PTPRE: variants seen among roughly 807,000 people sequenced by gnomAD.
PTPRE encodes protein tyrosine phosphatase receptor type E.
PTPRE carries 51 observed loss-of-function variants against 102.0 expected under a neutral mutation model. That is an observed-to-expected ratio of 0.50 (90% confidence interval 0.40 to 0.63). PTPRE has a LOEUF of 0.63. Among genes scored for constraint, PTPRE ranks in the 30% least tolerant of loss-of-function variants. The pLI is 0.00. For synonymous variants in PTPRE, 345 were observed against 348.2 expected, an observed-to-expected ratio of 0.99 and a Z score of 0.10; for missense variants, 752 against 915.1, an observed-to-expected ratio of 0.82 and a Z score of 2.30.
intron 19 of PTPRE, among the ~76,000 whole-genome samples, chr10:128,079,322 C>T (rs1280769325): frequency 2.0e-5 from 3 of 152,192 alleles, no homozygotes; most frequent in Non-Finnish European, 4.4e-5. Context: ...GGTCCTGTCT[C>T]ATTTTATAAA....
intron 2 of PTPRE, among the ~76,000 whole-genome samples, chr10:128,022,455 C>A (rs1037154348): frequency 2.0e-5 from 3 of 152,234 alleles, no homozygotes; most frequent in African/African-American, 7.2e-5. Flanking sequence ...CAGGAGTTGC[C>A]TGGCAGCTTT....
chr10:128,031,911 G>A (rs1050602623), intron 2 of PTPRE, among the ~76,000 whole-genome samples: 4 of 152,142 alleles, frequency 2.6e-5, no homozygotes, highest in Non-Finnish European at 5.9e-5. Context: ...CCAGGGGGCC[G>A]TATTTCCCTC....
rs1370956119 is a variant in PTPRE at position 128,083,100 on chromosome 10, G to A, written c.*194G>A. On this transcript the variant is annotated 3_prime_UTR_variant, in exon 21 of 21. Coordinates refer to ENST00000254667, the MANE Select transcript of PTPRE (RefSeq NM_006504.6). The stretch of plus-strand genomic sequence containing the variant: ...TTAAAAATTGGAATAATGTATTAAG[G>A]TCAAATAATATCCCATAAAATATAT... The A allele has an allele frequency of 2.5e-6, 1 of 396,602 alleles. No individual in the cohort carries two copies. Among genetic ancestry groups the A allele is most frequent in the Non-Finnish European group, 4.3e-6 (1 of 232,438 alleles). The allele number at this position is 396,602 out of a possible 1,614,324, so 24.6% of individuals were successfully genotyped here. A position where few individuals can be genotyped will look rare whatever the true frequency, so the allele number is the denominator to read the frequency against.
chr10:128,024,084 A>C (rs537054892), intron 2 of PTPRE, among the ~76,000 whole-genome samples: 3 of 152,362 alleles, frequency 2.0e-5, no homozygotes, highest in Admixed American at 2.0e-4. Context: ...GACATTGTAC[A>C]TTGTTCTCAA....
intron 2 of PTPRE, among the ~76,000 whole-genome samples, chr10:128,002,860 A>T (rs902650645): frequency 1.3e-5 from 2 of 151,576 alleles, no homozygotes; most frequent in Non-Finnish European, 2.9e-5. Context: ...TACCGGACTA[A>T]TTATTTTTAT....
chr10:128,079,527 G>A lies in PTPRE; in HGVS notation c.1893-33G>A, dbSNP rs7906264. The A allele has an allele frequency of 1.6e-3, 2,495 of 1,604,570 alleles. 18 individuals carry two copies. The African/African-American group carries it at 0.023, about 14-fold the overall frequency. On this transcript the variant is annotated intron_variant, in intron 19 of 20. Transcript: ENST00000254667. ...CATTTCTCATCCCCAAGTGCAAGTC[G>A]GATGATCTGCATTAAGCGCTTTTTC...
chr10:127,961,526 C>T (rs1397948167), intron 1 of PTPRE, among the ~76,000 whole-genome samples: 1 of 152,118 alleles, frequency 6.6e-6, no homozygotes, highest in Non-Finnish European at 1.5e-5. Context: ...CCTGGGGTGG[C>T]CTGGAACTTG....
chr10:127,919,886 GAC>G (rs769578690), intron 1 of PTPRE, among the ~76,000 whole-genome samples: 65 of 151,974 alleles, frequency 4.3e-4, no homozygotes, highest in Admixed American at 2.1e-3. Flanking sequence ...AGAAATCAGT[GAC>G]ATCAATCGTG....
intron 2 of PTPRE, among the ~76,000 whole-genome samples, chr10:128,007,787 T>G (rs4237448): frequency 0.71 from 107,573 of 152,116 alleles, 38,448 homozygotes; most frequent in African/African-American, 0.82. Context: ...GAGAGCTGCT[T>G]TGGGATCAGA....
chr10:127,984,268 A>G (rs971621484), intron 2 of PTPRE, among the ~76,000 whole-genome samples: 1 of 151,166 alleles, frequency 6.6e-6, no homozygotes, highest in African/African-American at 2.4e-5. Flanking sequence ...TTTAGTAGAG[A>G]CGGGGTTTCT....
At chr10:127,931,494 A>G (rs1847439538) in intron 1 of PTPRE, among the ~76,000 whole-genome samples, 1 of 152,208 alleles carries the variant, frequency 6.6e-6, no homozygotes, top group Admixed American at 6.5e-5. Context: ...CCTGTGATAG[A>G]ATATTTCCCA....
At chr10:127,975,590 G>T (rs1851090096) in intron 1 of PTPRE, among the ~76,000 whole-genome samples, 1 of 152,142 alleles carries the variant, frequency 6.6e-6, no homozygotes, top group Admixed American at 6.5e-5. Flanking sequence ...TGAAAGGCAG[G>T]TGTGTTTCCA....
In PTPRE at chr10:128,017,139, C is replaced by G. The variant is rs1021196664; in HGVS notation, c.-7-23736C>G. ...CATCCAGTGAGCAGCGTGGGCCAGGCTGATGGCAGTGAAAAGAGGGCAGTT... is the reference window on the plus strand; with the variant it reads ...CATCCAGTGAGCAGCGTGGGCCAGGGTGATGGCAGTGAAAAGAGGGCAGTT... On this transcript the variant is annotated intron_variant, in intron 2 of 20. Transcript: ENST00000254667. Among the ~76,000 whole-genome samples the G allele has an allele frequency of 3.3e-5, 5 of 152,082 alleles. No individual in the cohort carries two copies. The East Asian group carries it at 9.7e-4, about 29-fold the overall frequency.
chr10:127,910,618 G>T (rs544192803), intron 1 of PTPRE, among the ~76,000 whole-genome samples: 3 of 152,326 alleles, frequency 2.0e-5, no homozygotes, highest in African/African-American at 7.2e-5. Context: ...GACTCAAAAT[G>T]CAGGCTTCAG....
intron 1 of PTPRE, among the ~76,000 whole-genome samples, chr10:127,923,591 A>G (rs1846779772): frequency 6.6e-6 from 1 of 151,894 alleles, no homozygotes; most frequent in Non-Finnish European, 1.5e-5. Flanking sequence ...TTTAGTAAGG[A>G]CTGGGTTTCA....
chr10:127,952,160 T>C (rs1442943472), intron 1 of PTPRE, among the ~76,000 whole-genome samples: 1 of 152,164 alleles, frequency 6.6e-6, no homozygotes, highest in Non-Finnish European at 1.5e-5. Flanking sequence ...ACTTTTCCCT[T>C]CAATAAGATA....
Position 128,056,141 on chromosome 10 carries a change from A to C in PTPRE, c.439A>C (p.Ile147Leu), listed in dbSNP as rs576763520. ...CTTCCAGTCATTGCCATCTGGACAC[A>C]TACAAGGAACTTTTGAACTGGCAAA... ...EEFNSLPSGH[I>L]QGTFELANKE... The change falls in exon 7 of 21, where the codon ATA becomes CTA. Residue 147 changes from isoleucine to leucine, a missense_variant. Around this residue, in one of 2 missense-constraint regions of PTPRE, gnomAD observed 636 missense variants for 824.4 expected, o/e 0.77. Transcript: ENST00000254667. 7.4e-6 allele frequency: 12 copies of C among 1,612,204 alleles called. No homozygotes were observed. The highest frequency in any genetic ancestry group is 1.0e-5 in the Non-Finnish European group (12 of 1,178,474).
intron 2 of PTPRE, among the ~76,000 whole-genome samples, chr10:127,996,792 T>C (rs559252270): frequency 6.6e-6 from 1 of 152,338 alleles, no homozygotes; most frequent in East Asian, 1.9e-4. Context: ...TTCCTGTGAA[T>C]GTTGCAACTC....
Position 128,077,622 on chromosome 10 carries a change from G to A in PTPRE, c.1731G>A (p.Gln577=), listed in dbSNP as rs953133459. 2 of 1,607,236 alleles carry A rather than the reference G, an allele frequency of 1.2e-6. No homozygotes were observed. Among genetic ancestry groups the A allele is most frequent in the Non-Finnish European group, 1.7e-6 (2 of 1,175,008 alleles). Residue 577 remains glutamine, a synonymous_variant, in exon 19 of 21, where the codon CAG becomes CAA. Transcript: ENST00000254667. ...ACCCCCTCTCCTCCCTGCAGCCCCA[G>A]GCCCGCCAGGAGGAGCAGGTCCGAG... The part of the protein sequence containing the change: ...RDFLVTLNQP[Q]ARQEEQVRVV...
Sources: allele counts gnomAD v4.1 joint callset (sites outside exome capture counted in the v4.1 genomes callset), GRCh38; gene constraint gnomAD v4.1.1; regional missense constraint gnomAD v4.1.1; transcripts MANE v1.5; gene names NCBI Gene and HGNC (gene_info 2026-07-23, HGNC 2026-07-21).